CNTNAP2: variants seen among roughly 807,000 people sequenced by gnomAD.
CNTNAP2 encodes the protein contactin associated protein 2, also known as contactin-associated protein-like 2.
A neutral mutation model predicts 155.2 loss-of-function variants in CNTNAP2; 98 were observed. The observed-to-expected ratio is 0.63, with a 90% CI of 0.54 to 0.75. CNTNAP2 has a LOEUF of 0.75. Among genes scored for constraint, CNTNAP2 ranks in the 30% least tolerant of loss-of-function variants. CNTNAP2 has a pLI of 0.00. For synonymous variants in CNTNAP2, 651 were observed against 631.2 expected, an observed-to-expected ratio of 1.03 and a Z score of -0.47; for missense variants, 1,727 against 1,688.1, an observed-to-expected ratio of 1.02 and a Z score of -0.40.
At chr7:147,881,342 A>G (rs1799517265) in intron 13 of CNTNAP2, among the ~76,000 whole-genome samples, 1 of 152,192 alleles carries the variant, frequency 6.6e-6, no homozygotes, top group Non-Finnish European at 1.5e-5. Flanking sequence ...CTTATGTGGC[A>G]TTAGCATTAC....
At chr7:146,383,416 G>A (rs1327526473) in intron 1 of CNTNAP2, among the ~76,000 whole-genome samples, 1 of 152,050 alleles carries the variant, frequency 6.6e-6, no homozygotes, top group Non-Finnish European at 1.5e-5. Flanking sequence ...CAGGTAGCTG[G>A]TTTTTAACGG....
At chr7:146,474,448 A>G (rs867185049) in intron 1 of CNTNAP2, among the ~76,000 whole-genome samples, 5 of 150,570 alleles carry the variant, frequency 3.3e-5, no homozygotes, top group Middle Eastern at 3.4e-3. Flanking sequence ...CTCCCTCCAT[A>G]TATTCCTTTA....
At chr7:146,213,367 T>G (rs1357522205) in intron 1 of CNTNAP2, among the ~76,000 whole-genome samples, 3 of 152,296 alleles carry the variant, frequency 2.0e-5, no homozygotes, top group Middle Eastern at 6.8e-3. Flanking sequence ...TTAAATATCA[T>G]GGAAACATTA....
intron 2 of CNTNAP2, among the ~76,000 whole-genome samples, chr7:146,801,738 C>T (rs552315408): frequency 1.3e-5 from 2 of 152,180 alleles, no homozygotes; most frequent in South Asian, 4.2e-4. Context: ...TAGGAGATTT[C>T]CATTGTCAAT....
chr7:147,159,695 A>G (rs1269240823), intron 8 of CNTNAP2, among the ~76,000 whole-genome samples: 2 of 152,120 alleles, frequency 1.3e-5, no homozygotes, highest in Non-Finnish European at 2.9e-5. Flanking sequence ...GAATTCTCTT[A>G]TGTAATATGA....
intron 13 of CNTNAP2, among the ~76,000 whole-genome samples, chr7:147,768,759 T>A (rs1403598493): frequency 1.3e-5 from 2 of 152,132 alleles, no homozygotes; most frequent in Non-Finnish European, 2.9e-5. Flanking sequence ...TGATTACTAC[T>A]ATAAACCAGA....
At chr7:147,652,101 T>C (rs554544447) in intron 13 of CNTNAP2, among the ~76,000 whole-genome samples, 1 of 152,332 alleles carries the variant, frequency 6.6e-6, no homozygotes, top group Non-Finnish European at 1.5e-5. Flanking sequence ...AGAGACTGTA[T>C]CTTTCCCGAG....
chr7:147,330,278 G>T (rs1010154077), intron 9 of CNTNAP2, among the ~76,000 whole-genome samples: 5 of 152,064 alleles, frequency 3.3e-5, no homozygotes, highest in African/African-American at 1.2e-4. Flanking sequence ...CCCAGAGAAG[G>T]TATAGAAACT....
intron 15 of CNTNAP2, among the ~76,000 whole-genome samples, chr7:148,041,882 AT>A (rs1325792329): frequency 1.3e-5 from 2 of 152,288 alleles, no homozygotes; most frequent in Admixed American, 6.5e-5. Flanking sequence ...ATAACAAATT[AT>A]TTTTTTAAAA....
chr7:147,543,827 C>T (rs1321770537), intron 11 of CNTNAP2, among the ~76,000 whole-genome samples: 1 of 152,184 alleles, frequency 6.6e-6, no homozygotes, highest in African/African-American at 2.4e-5. Context: ...CATGATTTAA[C>T]TCAATTCCCT....
chr7:146,595,766 G>T (rs191223900), intron 1 of CNTNAP2, among the ~76,000 whole-genome samples: 29 of 152,128 alleles, frequency 1.9e-4, no homozygotes, highest in African/African-American at 7.0e-4. Context: ...TGATGGTAGA[G>T]CAGTATCTTA....
intron 15 of CNTNAP2, among the ~76,000 whole-genome samples, chr7:148,107,932 G>C: frequency 6.6e-6 from 1 of 152,232 alleles, no homozygotes; most frequent in Middle Eastern, 3.2e-3. Flanking sequence ...CAATCTGGGA[G>C]GGGAATGACA....
At chr7:148,408,426 A>G (rs1178610876) in intron 22 of CNTNAP2, among the ~76,000 whole-genome samples, 2 of 152,242 alleles carry the variant, frequency 1.3e-5, no homozygotes, top group Non-Finnish European at 2.9e-5. Flanking sequence ...TAATCTTGGA[A>G]GTCCATAGCC....
chr7:147,412,264 C>T (rs190671003), intron 10 of CNTNAP2, among the ~76,000 whole-genome samples: 1 of 152,270 alleles, frequency 6.6e-6, no homozygotes, highest in Admixed American at 6.5e-5. Context: ...TCCTCCATCC[C>T]CTCTAGCCAC....
intron 13 of CNTNAP2, among the ~76,000 whole-genome samples, chr7:147,747,980 A>T (rs12112564): frequency 5.9e-5 from 9 of 152,352 alleles, no homozygotes; most frequent in African/African-American, 2.2e-4. Context: ...ATGGAAGAAC[A>T]GCAAGTGAGG....
intron 3 of CNTNAP2, among the ~76,000 whole-genome samples, chr7:146,913,186 G>A (rs536165763): frequency 1.1e-4 from 17 of 152,130 alleles, no homozygotes; most frequent in Non-Finnish European, 2.1e-4. Context: ...TTTCAGAAGC[G>A]CATAGGGAAT....
chr7:147,708,514 G>T (rs1375416900), intron 13 of CNTNAP2, among the ~76,000 whole-genome samples: 2 of 152,122 alleles, frequency 1.3e-5, no homozygotes, highest in Admixed American at 6.5e-5. Context: ...GGGGCAGAGG[G>T]TGTGACTCAG....
rs1369246064 is a variant in CNTNAP2 at position 147,638,836 on chromosome 7, A to G, written c.1898-270A>G. Reference sequence around the variant, plus strand: ...AGATGTTAGAGCACCAACAAGATACAAAAGCTTTTTTTTTTTTTCTTTTTT... The same window carrying G: ...AGATGTTAGAGCACCAACAAGATACGAAAGCTTTTTTTTTTTTTCTTTTTT... On this transcript the variant is annotated intron_variant, in intron 12 of 23. Transcript: ENST00000361727. The G allele has an allele frequency of 5.2e-6, 3 of 577,740 alleles. No individual in the cohort carries two copies. In the African/African-American group the frequency reaches 6.1e-5, roughly 12 times the overall value. The allele number at this position is 577,740 out of a possible 1,614,324, so 35.8% of individuals were successfully genotyped here.
rs527795860 is a variant in CNTNAP2 at position 146,821,340 on chromosome 7, G to A, written c.209-18371G>A. Among the ~76,000 whole-genome samples the A allele has an allele frequency of 3.4e-4, 52 of 152,214 alleles. No individual in the cohort carries two copies. The East Asian group carries it at 9.3e-3, about 27-fold the overall frequency. On this transcript the variant is annotated intron_variant, in intron 2 of 23. Coordinates refer to ENST00000361727, the MANE Select transcript of CNTNAP2 (RefSeq NM_014141.6). The stretch of plus-strand genomic sequence containing the variant: ...TCTATGCTTAGTGCTTCCTTCAGGA[G>A]CTCTTTTAGGGCAGGCCTGGTGGTG...
Sources: allele counts gnomAD v4.1 joint callset (sites outside exome capture counted in the v4.1 genomes callset), GRCh38; gene constraint gnomAD v4.1.1; transcripts MANE v1.5; gene names NCBI Gene and HGNC (gene_info 2026-07-23, HGNC 2026-07-21).